The following GATAD2A variants were observed in gnomAD, a reference collection of about 807,000 sequenced individuals.
The protein encoded by GATAD2A is GATA zinc finger domain containing 2A.
A neutral mutation model predicts 68.5 loss-of-function variants in GATAD2A; 12 were observed. The ratio of observed to expected loss-of-function variants is 0.18; its 90% CI spans 0.11 to 0.28. GATAD2A has a LOEUF of 0.28. GATAD2A is among the 10% of genes least tolerant of loss of function. The probability of loss-of-function intolerance (pLI) is 1.00; values close to 1 mark genes in which losing one functional copy is unlikely to be tolerated. For missense variants in GATAD2A, 755 were observed against 868.5 expected (o/e 0.87, Z 1.64); for synonymous variants, 410 against 375.3 (o/e 1.09, Z -1.07).
rs2057784057 is a variant in GATAD2A, at chr19:19,465,320, G to A, written c.-6-20G>A. The A allele has an allele frequency of 6.2e-7, 1 of 1,603,644 alleles. No individual in the cohort carries two copies. The highest frequency in any genetic ancestry group is 1.3e-5 in the African/African-American group (1 of 74,692). On this transcript the variant is annotated intron_variant, in intron 1 of 11. Coordinates refer to ENST00000683918, the MANE Select transcript of GATAD2A (RefSeq NM_001384528.1). ...TCATTGCACCCAGTTAAAATGTTGT[G>A]TCTTCTCCTCCCTCCCAAGTTCAGA...
chr19:19,402,757 T>G (rs533937226), upstream of GATAD2A, among the ~76,000 whole-genome samples: 118 of 148,658 alleles, frequency 7.9e-4, no homozygotes, highest in Admixed American at 2.7e-3. Context: ...GGTTTTTTTT[T>G]TTTGTTTTTG....
chr19:19,489,646 G>A (rs1303441481), intron 2 of GATAD2A, among the ~76,000 whole-genome samples: 6 of 152,190 alleles, frequency 3.9e-5, no homozygotes, highest in African/African-American at 1.4e-4. Context: ...TGGACCCCTC[G>A]CCTACCCTCT....
intron 1 of GATAD2A, among the ~76,000 whole-genome samples, chr19:19,454,825 A>G (rs2056777865): frequency 6.7e-6 from 1 of 149,606 alleles, no homozygotes; most frequent in South Asian, 2.1e-4. Flanking sequence ...GATTTGTTCC[A>G]ACACAATTGA....
intron 2 of GATAD2A, among the ~76,000 whole-genome samples, chr19:19,469,431 C>CAAAAA (rs56310236): frequency 1.5e-5 from 2 of 132,190 alleles, no homozygotes; most frequent in African/African-American, 3.0e-5. Flanking sequence ...GACTCCATCT[C>CAAAAA]AAAAAAAAAG....
chr19:19,407,226 G>C (rs1358637594), intron 1 of GATAD2A, among the ~76,000 whole-genome samples: 2 of 152,164 alleles, frequency 1.3e-5, no homozygotes, highest in African/African-American at 4.8e-5. Flanking sequence ...GTCGTTACAA[G>C]TTTTCTTTTA....
At chr19:19,403,058 C>A (rs545509145), upstream of GATAD2A, among the ~76,000 whole-genome samples, 1 of 151,636 alleles carries the variant, frequency 6.6e-6, no homozygotes, top group South Asian at 2.1e-4. Flanking sequence ...CAGACGTGAG[C>A]CACTGTGCCC....
chr19:19,498,577 C>T lies in GATAD2A; in HGVS notation c.1059C>T (p.Arg353=). Residue 353 remains arginine, a synonymous_variant, in exon 8 of 12, where the codon CGC becomes CGT. Coordinates refer to ENST00000683918, the MANE Select transcript of GATAD2A (RefSeq NM_001384528.1). ...AGGCGGCCGCCAAGCTGGCGCTGCG[C>T]AAACAGCTGGAGAAGACGCTACTCG... ...SRQAAAKLAL[R]KQLEKTLLEI... 2 of 1,613,922 alleles carry T rather than the reference C, an allele frequency of 1.2e-6. No individual in the cohort carries two copies. The highest frequency in any genetic ancestry group is 1.7e-6 in the Non-Finnish European group (2 of 1,180,008).
chr19:19,411,755 A>G (rs2050953152), intron 1 of GATAD2A, among the ~76,000 whole-genome samples: 2 of 152,212 alleles, frequency 1.3e-5, no homozygotes, highest in Non-Finnish European at 2.9e-5. Context: ...ACAGGCAGTC[A>G]GGGGTATTCC....
chr19:19,425,074 A>C (rs77333207), intron 1 of GATAD2A, among the ~76,000 whole-genome samples: 1 of 152,032 alleles, frequency 6.6e-6, no homozygotes, highest in Non-Finnish European at 1.5e-5. Flanking sequence ...TAAAAAAAAA[A>C]AAAAAACCCA....
chr19:19,465,918 C>T (rs903351904), intron 2 of GATAD2A, among the ~76,000 whole-genome samples: 5 of 152,238 alleles, frequency 3.3e-5, no homozygotes, highest in Middle Eastern at 3.2e-3. Flanking sequence ...CTGTCCAACT[C>T]GGTGCTTTTG....
intron 4 of GATAD2A, 56 bp from the exon 5 acceptor site, chr19:19,494,238 G>T: frequency 1.0e-6 from 1 of 968,288 alleles, no homozygotes; most frequent in Non-Finnish European, 1.6e-6. Flanking sequence ...AACTCCGTGT[G>T]AGGAGAGGGA....
At chr19:19,472,726 A>T (rs1449628415) in intron 2 of GATAD2A, 1 of 151,886 alleles carries the variant, frequency 6.6e-6, no homozygotes, top group African/African-American at 2.4e-5. Context: ...GTAAGGACTG[A>T]GGGTCCCTCA....
intron 4 of GATAD2A, among the ~76,000 whole-genome samples, chr19:19,493,979 C>T (rs1224930681): frequency 6.6e-6 from 1 of 152,128 alleles, no homozygotes; most frequent in East Asian, 1.9e-4. Context: ...AGTGCTGCCA[C>T]CATCAGCCAT....
intron 1 of GATAD2A, among the ~76,000 whole-genome samples, chr19:19,448,529 C>G (rs1353758023): frequency 6.6e-6 from 1 of 152,228 alleles, no homozygotes; most frequent in African/African-American, 2.4e-5. Context: ...CTCTCTGTCT[C>G]CCAGGCTGGA....
intron 1 of GATAD2A, among the ~76,000 whole-genome samples, chr19:19,392,079 C>CTTT (rs753791949): frequency 1.9e-3 from 203 of 107,084 alleles, no homozygotes; most frequent in Non-Finnish European, 2.4e-3. Flanking sequence ...AGAGTTTTTC[C>CTTT]TTTTTTTTTT....
At chr19:19,431,711 A>C (rs2053769852) in intron 1 of GATAD2A, among the ~76,000 whole-genome samples, 1 of 151,724 alleles carries the variant, frequency 6.6e-6, no homozygotes, top group African/African-American at 2.4e-5. Flanking sequence ...AAAAAAAAAA[A>C]ATTTACTAAG....
intron 11 of GATAD2A, among the ~76,000 whole-genome samples, chr19:19,503,560 T>C (rs2060682109): frequency 6.6e-6 from 1 of 152,050 alleles, no homozygotes; most frequent in African/African-American, 2.4e-5. Flanking sequence ...GAAATTACTC[T>C]TGTGGGAAGT....
At chr19:19,484,909 G>A (rs2059331323) in intron 2 of GATAD2A, among the ~76,000 whole-genome samples, 1 of 152,170 alleles carries the variant, frequency 6.6e-6, no homozygotes, top group South Asian at 2.1e-4. Context: ...TTGCTTTCTG[G>A]CTTGACTCAC....
At chr19:19,488,871 A>G (rs2059609285) in intron 2 of GATAD2A, among the ~76,000 whole-genome samples, 1 of 152,214 alleles carries the variant, frequency 6.6e-6, no homozygotes, top group Admixed American at 6.5e-5. Context: ...CTATCACATC[A>G]CTTCCAAATA....
Sources: gnomAD v4.1 joint callset for allele counts (sites outside exome capture counted in the v4.1 genomes callset) on GRCh38, gnomAD v4.1.1 for gene constraint, MANE v1.5 for transcripts, NCBI Gene and HGNC (gene_info 2026-07-23, HGNC 2026-07-21) for gene names.